ATL3: variants seen among roughly 807,000 people sequenced by gnomAD.
ATL3 encodes the protein atlastin-3.
In ATL3, 49 loss-of-function variants were observed where a neutral mutation model predicts 69.5. The ratio of observed to expected loss-of-function variants is 0.71; its 90% CI spans 0.56 to 0.89. The LOEUF is 0.89. Among genes scored for constraint, ATL3 ranks in the 40% least tolerant of loss-of-function variants. The pLI, the probability that ATL3 is intolerant of heterozygous loss-of-function variation, is 0.00. For missense variants in ATL3, 606 were observed against 645.7 expected, an observed-to-expected ratio of 0.94 and a Z score of 0.67; for synonymous variants, 214 against 224.1, an observed-to-expected ratio of 0.95 and a Z score of 0.40.
chr11:63,664,428 T>C (rs1201188192), intron 1 of ATL3, among the ~76,000 whole-genome samples: 1 of 151,376 alleles, frequency 6.6e-6, no homozygotes. Context: ...TAATCCCAGC[T>C]ACTCGGGAGA....
At chr11:63,644,095 A>T in intron 7 of ATL3, 74 bp downstream of exon 7, 1 of 975,130 alleles carries the variant, frequency 1.0e-6, no homozygotes, top group Non-Finnish European at 1.6e-6. Context: ...TGCTTTAAAC[A>T]CAATAGCCAA....
At position 63,629,245 on chromosome 11, in the gene ATL3, A is replaced by G. The variant is rs1939222878; in HGVS notation, c.*74T>C. On this transcript the variant is annotated 3_prime_UTR_variant, in exon 13 of 13. Transcript: ENST00000398868. The stretch of plus-strand genomic sequence containing the variant: ...AGATCTGCCATTCCTCTGGATATGA[A>G]CCTGTGGCCGTGGCAGAAACCCAGA... 3 of 1,219,036 alleles carry G rather than the reference A, an allele frequency of 2.5e-6. No individual in the cohort carries two copies. Among genetic ancestry groups the G allele is most frequent in the Non-Finnish European group, 3.6e-6 (3 of 822,922 alleles). The allele number at this position is 1,219,036 out of a possible 1,614,324, so 75.5% of individuals were successfully genotyped here.
At chr11:63,636,084 A>T (rs548060762) in intron 9 of ATL3, 123 bp downstream of exon 9, 1 of 1,245,130 alleles carries the variant, frequency 8.0e-7, no homozygotes, top group African/African-American at 1.5e-5. Flanking sequence ...GTCTCTGAAA[A>T]TGCCTCTCAC....
chr11:63,627,925 C>T lies in ATL3; in HGVS notation c.*1394G>A, dbSNP rs1939171778. ...TTAATTTTAGCTTCATTATTAAGAA[C>T]ATTAGACACGGCAGAGAATGCAAAT... On this transcript the variant is annotated 3_prime_UTR_variant, in exon 13 of 13. Transcript: ENST00000398868. The T allele has an allele frequency of 6.6e-6, 1 of 152,142 alleles. No homozygotes were observed. The highest frequency in any genetic ancestry group is 2.4e-5 in the African/African-American group (1 of 41,430). 9.4% of individuals were successfully genotyped at this position (152,142 alleles called of 1,614,324 possible). A position where few individuals can be genotyped will look rare whatever the true frequency, so the allele number is the denominator to read the frequency against.
At position 63,653,551 on chromosome 11, in the gene ATL3, A is replaced by T. The variant is rs80229891; in HGVS notation, c.406-976T>A. ...CAAAAACCAACACATGAGTATTTAT[A>T]GGAGCTTTATTCTTAATTGTCAAAA... On this transcript the variant is annotated intron_variant, in intron 3 of 12. Coordinates refer to ENST00000398868, the MANE Select transcript of ATL3 (RefSeq NM_015459.5). Among the ~76,000 whole-genome samples, 1,410 of 152,316 alleles carry T rather than the reference A, an allele frequency of 9.3e-3. 16 individuals are homozygous for T. Among genetic ancestry groups the T allele is most frequent in the African/African-American group, 0.032 (1,323 of 41,570 alleles).
intron 10 of ATL3, among the ~76,000 whole-genome samples, chr11:63,635,021 G>C (rs1590720469): frequency 1.3e-5 from 2 of 152,044 alleles, no homozygotes; most frequent in Admixed American, 1.3e-4. Flanking sequence ...AATTAGCCAG[G>C]CATGGTGGTA....
chr11:63,671,857 C>G, upstream of ATL3: 1 of 594,176 alleles, frequency 1.7e-6, no homozygotes, highest in African/African-American at 2.1e-5. Context: ...GACCAGGCCC[C>G]AGGCCGAGGC....
intron 5 of ATL3, among the ~76,000 whole-genome samples, chr11:63,646,767 G>A (rs188463536): frequency 6.6e-6 from 1 of 152,222 alleles, no homozygotes; most frequent in Non-Finnish European, 1.5e-5. Context: ...CCAGAATCCA[G>A]CCACTCACTA....
chr11:63,646,411 C>A (rs1249224187), intron 6 of ATL3, 96 bp downstream of exon 6: 2 of 671,876 alleles, frequency 3.0e-6, no homozygotes, highest in Non-Finnish European at 5.2e-6. Flanking sequence ...CATATAAAAA[C>A]AGGTGGCAAG....
In ATL3 at chr11:63,643,631, C is replaced by T. The variant is rs117828457; in HGVS notation, c.712-136G>A. On this transcript the variant is annotated intron_variant, in intron 7 of 12. Coordinates refer to ENST00000398868, the MANE Select transcript of ATL3 (RefSeq NM_015459.5). ...AGTGGCCAAATGAGAAAACTCAGAA[C>T]CCTAAGAAGCAATAAACACACAAAT... 2,230 of 717,184 alleles carry T rather than the reference C, an allele frequency of 3.1e-3. 9 individuals are homozygous for T. The highest frequency in any genetic ancestry group is 3.9e-3 in the Non-Finnish European group (1,783 of 457,520). The allele number at this position is 717,184 out of a possible 1,614,324, so 44.4% of individuals were successfully genotyped here. A position where few individuals can be genotyped will look rare whatever the true frequency, so the allele number is the denominator to read the frequency against.
At position 63,651,183 on chromosome 11, in the gene ATL3, G is replaced by A. The variant is rs538518267; in HGVS notation, c.561+753C>T. ...AAAAAAGAGAAGAAAAAGGCCGGGCGCGGTGGCTCATGCCTGTAATCCCAG... is the reference window on the plus strand; with the variant it reads ...AAAAAAGAGAAGAAAAAGGCCGGGCACGGTGGCTCATGCCTGTAATCCCAG... On this transcript the variant is annotated intron_variant, in intron 5 of 12. Coordinates refer to ENST00000398868, the MANE Select transcript of ATL3 (RefSeq NM_015459.5). 3.3e-5 allele frequency among the ~76,000 whole-genome samples: 5 copies of A among 152,194 alleles called. No homozygotes were observed. In the East Asian group the frequency reaches 5.8e-4, roughly 18 times the overall value.
At chr11:63,637,291 G>T (rs1043972471) in intron 8 of ATL3, among the ~76,000 whole-genome samples, 2 of 125,402 alleles carry the variant, frequency 1.6e-5, no homozygotes, top group Admixed American at 8.8e-5. Context: ...AAAAAAAAAA[G>T]AATTTCATTA....
At chr11:63,645,782 T>C (rs2134494386) in intron 6 of ATL3, among the ~76,000 whole-genome samples, 1 of 152,104 alleles carries the variant, frequency 6.6e-6, no homozygotes, top group East Asian at 1.9e-4. Flanking sequence ...TTTTCTTTTT[T>C]TTTGAGACAA....
At chr11:63,642,556 C>G (rs149966965) in intron 8 of ATL3, among the ~76,000 whole-genome samples, 2 of 152,290 alleles carry the variant, frequency 1.3e-5, no homozygotes, top group African/African-American at 4.8e-5. Context: ...GGGTTTGGAG[C>G]AACAAGAACT....
chr11:63,629,452 C>T (rs1939233918), intron 12 of ATL3, 47 bp from the exon 13 acceptor site: 2 of 1,517,060 alleles, frequency 1.3e-6, no homozygotes. Context: ...AAATACAACA[C>T]AGCAACAAGA....
intron 8 of ATL3, among the ~76,000 whole-genome samples, chr11:63,637,188 A>G (rs1245447746): frequency 1.3e-5 from 2 of 151,904 alleles, no homozygotes; most frequent in African/African-American, 4.8e-5. Context: ...GAAGCAGAGA[A>G]TAGCTTGAAC....
At chr11:63,656,223 CAA>C (rs200680867) in intron 3 of ATL3, among the ~76,000 whole-genome samples, 8 of 119,534 alleles carry the variant, frequency 6.7e-5, no homozygotes, top group East Asian at 2.5e-4. Context: ...GACTCCGTCT[CAA>C]AAAAAAAAAA....
chr11:63,671,128 C>A (rs535554194), intron 1 of ATL3, among the ~76,000 whole-genome samples, 162 bp downstream of exon 1: 1 of 152,350 alleles, frequency 6.6e-6, no homozygotes, highest in South Asian at 2.1e-4. Flanking sequence ...GAGGGGCCCC[C>A]CCACCACAAA....
chr11:63,660,870 T>C (rs924625589), intron 1 of ATL3, among the ~76,000 whole-genome samples: 4 of 151,996 alleles, frequency 2.6e-5, no homozygotes, highest in African/African-American at 7.3e-5. Flanking sequence ...ATATATATTA[T>C]TTAATCCTCA....
Sources: gnomAD v4.1 joint callset for allele counts (sites outside exome capture counted in the v4.1 genomes callset) on GRCh38, gnomAD v4.1.1 for gene constraint, MANE v1.5 for transcripts, NCBI Gene and HGNC (gene_info 2026-07-23, HGNC 2026-07-21) for gene names.